The following UBE3A variants were observed in gnomAD, a reference collection of about 807,000 sequenced individuals.
UBE3A encodes the protein ubiquitin protein ligase E3A.
A neutral mutation model predicts 83.4 loss-of-function variants in UBE3A; 6 were observed. That is an observed-to-expected ratio of 0.07 (90% CI 0.04 to 0.14). The LOEUF is 0.14. Ranked by LOEUF, UBE3A falls within the 10% of genes least tolerant of loss-of-function variation. The pLI, the probability that UBE3A is intolerant of heterozygous loss-of-function variation, is 1.00. For synonymous variants in UBE3A, 337 were observed against 355.4 expected (o/e 0.95, Z 0.58); for missense variants, 456 against 1,036.1 (o/e 0.44, Z 7.69).
At chr15:25,410,954 T>C (rs543010099) in intron 2 of UBE3A, among the ~76,000 whole-genome samples, 7 of 152,318 alleles carry the variant, frequency 4.6e-5, no homozygotes, top group Non-Finnish European at 7.3e-5. Flanking sequence ...AAGTCTAACT[T>C]TCCATCTTGT....
rs1253725013 is a variant in UBE3A, at chr15:25,334,432, G to A, written c.*4705C>T. ...TAAGCAAATGCAAAGACATCCCACA[G>A]TCATGGAACAGAAAACCTAACACCA... On this transcript the variant is annotated 3_prime_UTR_variant, in exon 13 of 13. Coordinates refer to ENST00000648336, the MANE Select transcript of UBE3A (RefSeq NM_130839.5). 1.3e-5 allele frequency: 2 copies of A among 152,052 alleles called. No homozygotes were observed. Among genetic ancestry groups the A allele is most frequent in the Non-Finnish European group, 2.9e-5 (2 of 68,022 alleles). The allele number at this position is 152,052 out of a possible 1,614,324, so 9.4% of individuals were successfully genotyped here. A position where few individuals can be genotyped will look rare whatever the true frequency, so the allele number is the denominator to read the frequency against.
chr15:25,385,587 G>T (rs960410524), intron 4 of UBE3A, among the ~76,000 whole-genome samples: 1 of 152,028 alleles, frequency 6.6e-6, no homozygotes, highest in African/African-American at 2.4e-5. Context: ...CATATGAAGA[G>T]CTTGGAAGTC....
chr15:25,399,452 G>C (rs532056204), intron 4 of UBE3A, among the ~76,000 whole-genome samples: 1 of 152,196 alleles, frequency 6.6e-6, no homozygotes, highest in South Asian at 2.1e-4. Flanking sequence ...ACCACCTATT[G>C]AACAGACTTC....
At chr15:25,387,309 CAGG>C (rs2083333751) in intron 4 of UBE3A, among the ~76,000 whole-genome samples, 2 of 152,242 alleles carry the variant, frequency 1.3e-5, no homozygotes, top group East Asian at 3.9e-4. Context: ...ATCACATGGT[CAGG>C]AGATCAAGAC....
At chr15:25,420,445 T>C (rs947771422) in intron 1 of UBE3A, among the ~76,000 whole-genome samples, 12 of 152,176 alleles carry the variant, frequency 7.9e-5, no homozygotes, top group Admixed American at 4.6e-4. Flanking sequence ...CGGTAATTAG[T>C]AAGTGGACAG....
chr15:25,411,022 A>G (rs1020514501), intron 2 of UBE3A, among the ~76,000 whole-genome samples: 1 of 152,228 alleles, frequency 6.6e-6, no homozygotes, highest in African/African-American at 2.4e-5. Flanking sequence ...CCTCAATGTA[A>G]TTAAAGAGCT....
At chr15:25,354,818 C>A in intron 9 of UBE3A, 135 bp from the exon 10 acceptor site, 1 of 817,614 alleles carries the variant, frequency 1.2e-6, no homozygotes, top group Non-Finnish European at 1.9e-6. Context: ...CAATTTTACA[C>A]CTACTTCTTA....
chr15:25,354,269 T>C, intron 11 of UBE3A, 84 bp downstream of exon 11: 1 of 1,208,830 alleles, frequency 8.3e-7, no homozygotes, highest in Non-Finnish European at 1.2e-6. Flanking sequence ...ATTTGGGAAT[T>C]AGTACCTAGA....
chr15:25,380,682 A>C (rs546707424), intron 4 of UBE3A, among the ~76,000 whole-genome samples: 8 of 152,298 alleles, frequency 5.3e-5, no homozygotes, highest in Non-Finnish European at 8.8e-5. Context: ...AGCTGTTCAT[A>C]ATCAAAATTC....
At chr15:25,382,246 G>A (rs746020866) in intron 4 of UBE3A, among the ~76,000 whole-genome samples, 7 of 151,982 alleles carry the variant, frequency 4.6e-5, no homozygotes, top group Admixed American at 2.0e-4. Flanking sequence ...GCATGAACCC[G>A]GGAGGCGGAG....
At chr15:25,355,554 T>C (rs942436269) in intron 9 of UBE3A, among the ~76,000 whole-genome samples, 2 of 152,192 alleles carry the variant, frequency 1.3e-5, no homozygotes, top group East Asian at 3.9e-4. Context: ...ATGTAATTTT[T>C]ATTTGTTCTG....
chr15:25,369,376 A>G (rs1009300808), intron 6 of UBE3A, among the ~76,000 whole-genome samples: 3 of 141,572 alleles, frequency 2.1e-5, no homozygotes, highest in Non-Finnish European at 4.6e-5. Context: ...ACCAGTAACA[A>G]AAAAAAAAAA....
chr15:25,407,202 C>G (rs1320390354), intron 3 of UBE3A: 1 of 1,323,272 alleles, frequency 7.6e-7, no homozygotes, highest in Non-Finnish European at 9.9e-7. Context: ...CCTCCAGCAT[C>G]AGATGTCATA....
At chr15:25,391,172 G>A (rs182428294) in intron 4 of UBE3A, among the ~76,000 whole-genome samples, 4 of 152,236 alleles carry the variant, frequency 2.6e-5, no homozygotes, top group African/African-American at 9.6e-5. Context: ...TAAAAGAAAA[G>A]AAAGAAATTC....
At chr15:25,364,641 GTTTGTT>G (rs199833817) in intron 6 of UBE3A, among the ~76,000 whole-genome samples, 10,093 of 132,338 alleles carry the variant, frequency 0.076, 591 homozygotes, top group East Asian at 0.39. Context: ...GGTTTTTTTT[GTTTGTT>G]TTTTTTTTTT....
intron 4 of UBE3A, among the ~76,000 whole-genome samples, chr15:25,398,802 T>TATATATAG (rs2086334007): frequency 1.5e-5 from 1 of 65,490 alleles, no homozygotes; most frequent in Non-Finnish European, 3.4e-5. Context: ...TATATATATA[T>TATATATAG]ATATATATAT....
intron 4 of UBE3A, among the ~76,000 whole-genome samples, chr15:25,393,534 CTAAAGG>C (rs2084887625): frequency 6.6e-6 from 1 of 152,038 alleles, no homozygotes; most frequent in African/African-American, 2.4e-5. Flanking sequence ...GTTCTATGTA[CTAAAGG>C]TAAACTATTC....
Position 25,334,501 on chromosome 15 carries a change from A to C in UBE3A, c.*4636T>G, listed in dbSNP as rs926909975. ...CTCAAATTTATCTACCAATTCAACTAAATCCCTATCAAGATCCCAGCTGTT... is the reference window on the plus strand; with the variant it reads ...CTCAAATTTATCTACCAATTCAACTCAATCCCTATCAAGATCCCAGCTGTT... On this transcript the variant is annotated 3_prime_UTR_variant, in exon 13 of 13. Coordinates refer to ENST00000648336, the MANE Select transcript of UBE3A (RefSeq NM_130839.5). 6.6e-6 allele frequency: 1 copy of C among 152,100 alleles called. No individual in the cohort carries two copies. The highest frequency in any genetic ancestry group is 2.1e-4 in the South Asian group (1 of 4,826). 9.4% of individuals were successfully genotyped at this position (152,100 alleles called of 1,614,324 possible). A position where few individuals can be genotyped will look rare whatever the true frequency, so the allele number is the denominator to read the frequency against.
At chr15:25,392,330 T>C (rs1428725797) in intron 4 of UBE3A, among the ~76,000 whole-genome samples, 1 of 152,200 alleles carries the variant, frequency 6.6e-6, no homozygotes, top group Non-Finnish European at 1.5e-5. Context: ...CACTATTTCT[T>C]GGTTTCCTCC....
Sources: allele counts gnomAD v4.1 joint callset (sites outside exome capture counted in the v4.1 genomes callset), GRCh38; gene constraint gnomAD v4.1.1; transcripts MANE v1.5; gene names NCBI Gene and HGNC (gene_info 2026-07-23, HGNC 2026-07-21).